ADGRD1: variants seen among roughly 807,000 people sequenced by gnomAD.
ADGRD1 encodes the protein G-protein coupled receptor 133.
Under a neutral mutation model 113.4 loss-of-function variants are expected in ADGRD1, and 77 were observed. The observed-to-expected ratio is 0.68, with a 90% CI of 0.57 to 0.82. The LOEUF is 0.82. Among genes scored for constraint, ADGRD1 ranks in the 40% least tolerant of loss-of-function variants. ADGRD1 has a pLI of 0.00. For synonymous variants in ADGRD1, 474 were observed against 475.0 expected (o/e 1.00, Z 0.03); for missense variants, 1,036 against 1,139.1 (o/e 0.91, Z 1.30).
intron 11 of ADGRD1, among the ~76,000 whole-genome samples, chr12:131,004,782 C>G (rs2049568): frequency 0.4 from 60,714 of 152,082 alleles, 12,897 homozygotes; most frequent in African/African-American, 0.54. Flanking sequence ...GTGCAGGCCT[C>G]AGTCGAGTCA....
At position 130,981,922 on chromosome 12, in the gene ADGRD1, C is replaced by T; in HGVS notation, c.349C>T (p.Gln117Ter). The T allele has an allele frequency of 6.2e-7, 1 of 1,613,072 alleles. No individual in the cohort carries two copies. The highest frequency in any genetic ancestry group is 8.5e-7 in the Non-Finnish European group (1 of 1,179,450). ...FSFFWKTQGEQSRPIPSAYGG... is the reference protein window; with the variant it reads ...FSFFWKTQGE ...TTTTTTCTGGAAGACACAAGGAGAACAGTCTAGACCAATCCCTTCTGCGTA... is the reference window on the plus strand; with the variant it reads ...TTTTTTCTGGAAGACACAAGGAGAATAGTCTAGACCAATCCCTTCTGCGTA... Residue 117 changes from glutamine to a stop codon, truncating the protein, a stop_gained, in exon 5 of 25, where the codon CAG becomes TAG. Transcript: ENST00000261654. LOFTEE classifies it high-confidence loss of function.
At chr12:131,111,908 T>G (rs538347007) in intron 18 of ADGRD1, among the ~76,000 whole-genome samples, 1 of 152,104 alleles carries the variant, frequency 6.6e-6, no homozygotes, top group South Asian at 2.1e-4. Flanking sequence ...TGAAGTCTCT[T>G]TTTTTTTGAT....
chr12:130,990,177 G>A (rs1358948460), intron 6 of ADGRD1: 4 of 152,206 alleles, frequency 2.6e-5, no homozygotes, highest in Non-Finnish European at 4.4e-5. Flanking sequence ...GGAGAACAGA[G>A]CGGTTCTGGG....
rs575876728 is a variant in ADGRD1 at position 131,057,363 on chromosome 12, G to T, written c.1474-19438G>T. Among the ~76,000 whole-genome samples the T allele has an allele frequency of 1.3e-5, 2 of 152,286 alleles. No individual in the cohort carries two copies. Among genetic ancestry groups the T allele is most frequent in the South Asian group, 2.1e-4 (1 of 4,820 alleles). On this transcript the variant is annotated intron_variant, in intron 13 of 24. Transcript: ENST00000261654. This position sits in a 1 kb window ranked among gnomAD's most constrained non-coding sequence, Gnocchi z 4.2. Reference sequence around the variant, plus strand: ...AACGGTGGAGAAAAGGGGCCAGATGGCAGCGGAGCCGAGTCTGCGCTGCTG... The same window carrying T: ...AACGGTGGAGAAAAGGGGCCAGATGTCAGCGGAGCCGAGTCTGCGCTGCTG...
At chr12:131,046,612 C>A (rs113870544) in intron 13 of ADGRD1, among the ~76,000 whole-genome samples, 1 of 114,584 alleles carries the variant, frequency 8.7e-6, no homozygotes, top group Admixed American at 8.3e-5. Flanking sequence ...CTGGTCAGTG[C>A]CCCCTCCCTG....
At chr12:131,130,632 G>T (rs926978456) in intron 20 of ADGRD1, among the ~76,000 whole-genome samples, 1 of 152,242 alleles carries the variant, frequency 6.6e-6, no homozygotes, top group Non-Finnish European at 1.5e-5. Flanking sequence ...CTAGGGTGAG[G>T]CGGGCTCAGC....
At chr12:131,078,662 C>A (rs892069600) in intron 14 of ADGRD1, among the ~76,000 whole-genome samples, 7 of 152,082 alleles carry the variant, frequency 4.6e-5, no homozygotes, top group African/African-American at 7.2e-5. Flanking sequence ...TGCAGGTACC[C>A]ATTGCCCCAA....
At chr12:131,095,666 C>T (rs1725824) in intron 15 of ADGRD1, among the ~76,000 whole-genome samples, 9 of 152,170 alleles carry the variant, frequency 5.9e-5, no homozygotes, top group Non-Finnish European at 1.2e-4. Flanking sequence ...GGTCGCTTTG[C>T]GGGGCAGCTG....
At chr12:131,098,589 C>T (rs1392447213) in intron 15 of ADGRD1, among the ~76,000 whole-genome samples, 1 of 152,102 alleles carries the variant, frequency 6.6e-6, no homozygotes, top group East Asian at 1.9e-4. Context: ...TGGTGAGAAG[C>T]CAGCAGGACT....
chr12:130,987,472 T>G, intron 6 of ADGRD1, 123 bp downstream of exon 6: 2 of 1,029,140 alleles, frequency 1.9e-6, no homozygotes, highest in Non-Finnish European at 2.8e-6. Flanking sequence ...AGATGTGTCC[T>G]AATGAACCTT....
intron 21 of ADGRD1, among the ~76,000 whole-genome samples, chr12:131,134,613 G>A (rs1378194144): frequency 1.3e-5 from 2 of 152,190 alleles, no homozygotes; most frequent in Admixed American, 1.3e-4. Flanking sequence ...AGCTGGCTGC[G>A]GCTTCTCTGA....
intron 5 of ADGRD1, among the ~76,000 whole-genome samples, chr12:130,985,538 C>T (rs1388912620): frequency 7.5e-6 from 1 of 133,806 alleles, no homozygotes; most frequent in African/African-American, 2.6e-5. Context: ...ATTTTTATGA[C>T]AGGTTTAAGA....
intron 12 of ADGRD1, among the ~76,000 whole-genome samples, chr12:131,009,482 G>T (rs1420869090): frequency 6.6e-6 from 1 of 152,202 alleles, no homozygotes. Flanking sequence ...AGAGCATCTT[G>T]TAGGGTCCTC....
At chr12:131,121,646 C>T (rs1430002625) in intron 20 of ADGRD1, among the ~76,000 whole-genome samples, 1 of 152,192 alleles carries the variant, frequency 6.6e-6, no homozygotes, top group Non-Finnish European at 1.5e-5. Context: ...TCCCAAAGTG[C>T]TGGGATTACA....
Position 131,139,315 on chromosome 12 carries a change from A to C in ADGRD1, c.*52A>C. On this transcript the variant is annotated 3_prime_UTR_variant, in exon 25 of 25. Transcript: ENST00000261654. Reference sequence around the variant, plus strand: ...CTGCGCTCAGAACACACCCCCCCAAACAGAATGAAATGCCCCACCTTTGCC... The same window carrying C: ...CTGCGCTCAGAACACACCCCCCCAACCAGAATGAAATGCCCCACCTTTGCC... The C allele has an allele frequency of 2.9e-5, 35 of 1,227,842 alleles. No individual in the cohort carries two copies. Among genetic ancestry groups the C allele is most frequent in the Non-Finnish European group, 4.1e-5 (35 of 850,572 alleles). 76.1% of individuals were successfully genotyped at this position (1,227,842 alleles called of 1,614,324 possible).
chr12:131,064,439 G>A (rs1884560796), intron 13 of ADGRD1, among the ~76,000 whole-genome samples: 1 of 152,166 alleles, frequency 6.6e-6, no homozygotes, highest in South Asian at 2.1e-4. Context: ...TGATAATATG[G>A]TGAATTACAC....
At chr12:131,048,956 A>C (rs578075239) in intron 13 of ADGRD1, among the ~76,000 whole-genome samples, 4 of 152,332 alleles carry the variant, frequency 2.6e-5, no homozygotes, top group African/African-American at 9.6e-5. Flanking sequence ...AAGGAAGCAC[A>C]AGGAGAATGG....
At chr12:131,080,216 CT>C in intron 14 of ADGRD1, among the ~76,000 whole-genome samples, 1 of 152,274 alleles carries the variant, frequency 6.6e-6, no homozygotes, top group African/African-American at 2.4e-5. Context: ...GTGACTTCCT[CT>C]TCAACCTCTT....
rs1206724137 is a variant in ADGRD1, at chr12:131,057,277, T to C, written c.1474-19524T>C. Among the ~76,000 whole-genome samples the C allele has an allele frequency of 1.3e-5, 2 of 152,168 alleles. No homozygotes were observed. The highest frequency in any genetic ancestry group is 4.8e-5 in the African/African-American group (2 of 41,450). On this transcript the variant is annotated intron_variant, in intron 13 of 24. Transcript: ENST00000261654. The surrounding 1 kb of genome is among the most constrained non-coding windows in gnomAD (Gnocchi z 4.2). Reference sequence around the variant, plus strand: ...GCTTCACCCCTGAAGCTGGGTTGGATGGCATCAGTGGTTCCTAATGTGTTG... The same window carrying C: ...GCTTCACCCCTGAAGCTGGGTTGGACGGCATCAGTGGTTCCTAATGTGTTG...
Sources: allele counts gnomAD v4.1 joint callset (sites outside exome capture counted in the v4.1 genomes callset), GRCh38; gene constraint gnomAD v4.1.1; non-coding constraint Gnocchi (gnomAD v3.1); transcripts MANE v1.5; gene names NCBI Gene and HGNC (gene_info 2026-07-23, HGNC 2026-07-21).